The following GAB2 variants were observed in gnomAD, a reference collection of about 807,000 sequenced individuals.
The protein encoded by GAB2 is GRB2 associated binding protein 2, also known as GRB2-associated-binding protein 2.
GAB2 carries 26 observed loss-of-function variants against 65.5 expected under a neutral mutation model. That is an observed-to-expected ratio of 0.40 (90% CI 0.29 to 0.55). GAB2 has a LOEUF of 0.55. Ranked by LOEUF, GAB2 falls within the 20% of genes least tolerant of loss-of-function variation. GAB2 has a pLI of 0.53. For missense variants in GAB2, 884 were observed against 875.8 expected (o/e 1.01, Z -0.12); for synonymous variants, 321 against 329.6 (o/e 0.97, Z 0.28).
chr11:78,251,414 G>T (rs1426142778), intron 2 of GAB2, among the ~76,000 whole-genome samples: 1 of 152,136 alleles, frequency 6.6e-6, no homozygotes, highest in African/African-American at 2.4e-5. Context: ...TAGTAAGTGA[G>T]GTATTAAGGA....
At chr11:78,341,817 C>T (rs1856100588) in intron 1 of GAB2, 23 of 985,460 alleles carry the variant, frequency 2.3e-5, no homozygotes, top group South Asian at 4.7e-5. Flanking sequence ...TTGCTAGCCT[C>T]GCCTTTGTCT....
At chr11:78,270,289 G>A (rs1353183174) in intron 2 of GAB2, among the ~76,000 whole-genome samples, 3 of 151,402 alleles carry the variant, frequency 2.0e-5, no homozygotes, top group Non-Finnish European at 2.9e-5. Context: ...AGCTGAGATC[G>A]CGCCACTGCA....
chr11:78,360,843 A>G (rs1304782772), intron 1 of GAB2, among the ~76,000 whole-genome samples: 1 of 152,164 alleles, frequency 6.6e-6, no homozygotes, highest in Non-Finnish European at 1.5e-5. Flanking sequence ...TGGGCAACAG[A>G]GCAAAACTTC....
intron 2 of GAB2, among the ~76,000 whole-genome samples, chr11:78,250,754 T>G (rs1865431404): frequency 6.6e-6 from 1 of 152,196 alleles, no homozygotes; most frequent in African/African-American, 2.4e-5. Context: ...TTCCCACTCT[T>G]TGGTGGCGCC....
intron 1 of GAB2, among the ~76,000 whole-genome samples, chr11:78,363,144 T>C (rs1375449546): frequency 6.6e-6 from 1 of 152,230 alleles, no homozygotes; most frequent in East Asian, 1.9e-4. Flanking sequence ...ACTTAATTCC[T>C]AAGAAAATTA....
intron 2 of GAB2, among the ~76,000 whole-genome samples, chr11:78,270,183 C>T (rs1189579185): frequency 6.6e-6 from 1 of 151,924 alleles, no homozygotes; most frequent in Non-Finnish European, 1.5e-5. Context: ...AAAAATTAGC[C>T]GGGCATGGTA....
At position 78,223,441 on chromosome 11, in the gene GAB2, A is replaced by G. The variant is rs1864523776; in HGVS notation, c.1538T>C (p.Val513Ala). The change falls in exon 6 of 10, where the codon GTC becomes GCC. Residue 513 changes from valine to alanine, a missense_variant. Transcript: ENST00000361507. ...CCGATCAGGTTTGAGGTTGCGGTTG[A>G]CAGGGGGTGGCTGAATCTCACTTCC... is the stretch of plus-strand genomic sequence containing the variant. ...SRGSEIQPPPVNRNLKPDRKA... is the reference protein window; with the variant it reads ...SRGSEIQPPPANRNLKPDRKA... The G allele has an allele frequency of 6.3e-7, 1 of 1,575,022 alleles. No individual in the cohort carries two copies.
At chr11:78,313,265 C>T (rs1388144661) in intron 1 of GAB2, among the ~76,000 whole-genome samples, 3 of 152,002 alleles carry the variant, frequency 2.0e-5, no homozygotes, top group East Asian at 1.9e-4. Context: ...AGATAAACAG[C>T]GTTACCTACC....
At chr11:78,335,214 C>G (rs907893667) in intron 1 of GAB2, among the ~76,000 whole-genome samples, 10 of 152,156 alleles carry the variant, frequency 6.6e-5, no homozygotes, top group Non-Finnish European at 1.0e-4. Context: ...TAGGGATTGT[C>G]TCCTTTGCTG....
At chr11:78,239,271 A>G (rs1181842435) in intron 3 of GAB2, among the ~76,000 whole-genome samples, 2 of 152,072 alleles carry the variant, frequency 1.3e-5, no homozygotes, top group Non-Finnish European at 2.9e-5. Flanking sequence ...CCCAGGCTGG[A>G]GTACAATGGC....
intron 1 of GAB2, among the ~76,000 whole-genome samples, chr11:78,368,897 C>A (rs569245981): frequency 1.3e-5 from 2 of 151,548 alleles, no homozygotes; most frequent in Non-Finnish European, 2.9e-5. Context: ...GGAAACACAG[C>A]GAGACCCCAT....
chr11:78,273,251 A>G lies in GAB2; in HGVS notation c.376+7350T>C, dbSNP rs577962713. Among the ~76,000 whole-genome samples, 7 of 152,324 alleles carry G rather than the reference A, an allele frequency of 4.6e-5. 1 individual carries two copies. Among genetic ancestry groups the G allele is most frequent in the African/African-American group, 1.7e-4 (7 of 41,582 alleles). On this transcript the variant is annotated intron_variant, in intron 2 of 9. Transcript: ENST00000361507. The stretch of plus-strand genomic sequence containing the variant: ...AATGGTAGATCCACTGACAGCTTGC[A>G]CTGTGTGCCTGGAAAAGGTGCAGAC...
intron 1 of GAB2, among the ~76,000 whole-genome samples, chr11:78,309,593 C>T (rs1855444878): frequency 1.3e-5 from 2 of 151,892 alleles, no homozygotes; most frequent in African/African-American, 4.8e-5. Context: ...CACCTCAGCC[C>T]CCTGAGTAGC....
intron 2 of GAB2, among the ~76,000 whole-genome samples, chr11:78,256,802 A>T (rs1012096203): frequency 5.9e-5 from 9 of 152,228 alleles, no homozygotes; most frequent in Admixed American, 5.2e-4. Flanking sequence ...TGGGAGAAGA[A>T]AAGAATGGTG....
chr11:78,371,734 C>G (rs1856573580), intron 1 of GAB2, among the ~76,000 whole-genome samples: 1 of 152,170 alleles, frequency 6.6e-6, no homozygotes, highest in Admixed American at 6.5e-5. Context: ...TCAGGGGAGA[C>G]AGCTTTTCAT....
chr11:78,359,962 A>G (rs1468636628), intron 1 of GAB2, among the ~76,000 whole-genome samples: 1 of 152,220 alleles, frequency 6.6e-6, no homozygotes, highest in Admixed American at 6.5e-5. Context: ...CTTCTCTTGG[A>G]GAATTCAGGG....
intron 1 of GAB2, among the ~76,000 whole-genome samples, chr11:78,323,987 G>T (rs541283675): frequency 6.6e-6 from 1 of 151,676 alleles, no homozygotes; most frequent in Non-Finnish European, 1.5e-5. Context: ...TAGTAGAGAC[G>T]GGGTTTTGCC....
intron 1 of GAB2, among the ~76,000 whole-genome samples, chr11:78,283,589 C>A (rs1866388591): frequency 6.6e-6 from 1 of 152,078 alleles, no homozygotes; most frequent in Non-Finnish European, 1.5e-5. Flanking sequence ...GGCTATCCCC[C>A]ATCCCCCCAC....
intron 1 of GAB2, among the ~76,000 whole-genome samples, chr11:78,306,387 C>T (rs930050634): frequency 6.6e-6 from 1 of 152,104 alleles, no homozygotes; most frequent in African/African-American, 2.4e-5. Context: ...CACGCCGCCA[C>T]GCCCGGCTAA....
Sources: gnomAD v4.1 joint callset for allele counts (sites outside exome capture counted in the v4.1 genomes callset) on GRCh38, gnomAD v4.1.1 for gene constraint, MANE v1.5 for transcripts, NCBI Gene and HGNC (gene_info 2026-07-23, HGNC 2026-07-21) for gene names.